The following PTPRT variants were observed in gnomAD, a reference collection of about 807,000 sequenced individuals.
PTPRT encodes the protein protein tyrosine phosphatase receptor type T.
PTPRT carries 56 observed loss-of-function variants against 176.8 expected under a neutral mutation model. That is an observed-to-expected ratio of 0.32 (90% CI 0.26 to 0.40). PTPRT has a LOEUF of 0.40. PTPRT is among the 10% of genes least tolerant of loss of function. The probability of loss-of-function intolerance (pLI) is 1.00; values close to 1 mark genes in which losing one functional copy is unlikely to be tolerated. For missense variants in PTPRT, 1,540 were observed against 1,908.2 expected (o/e 0.81, Z 3.60); for synonymous variants, 783 against 739.0 (o/e 1.06, Z -0.96).
At chr20:42,793,705 G>C (rs1175973843) in intron 2 of PTPRT, among the ~76,000 whole-genome samples, 1 of 152,128 alleles carries the variant, frequency 6.6e-6, no homozygotes. Flanking sequence ...AGCTAAAAAG[G>C]AGCAATTATA....
At chr20:43,159,289 G>A (rs535887521) in intron 1 of PTPRT, among the ~76,000 whole-genome samples, 1 of 152,324 alleles carries the variant, frequency 6.6e-6, no homozygotes, top group Non-Finnish European at 1.5e-5. Context: ...CTACTTTCTA[G>A]CTTTGGAGAA....
At chr20:42,737,328 G>C (rs551962426) in intron 6 of PTPRT, among the ~76,000 whole-genome samples, 3 of 152,274 alleles carry the variant, frequency 2.0e-5, no homozygotes, top group East Asian at 3.9e-4. Flanking sequence ...CTGGCAACCA[G>C]CAGAAGTTAG....
intron 11 of PTPRT, among the ~76,000 whole-genome samples, chr20:42,324,284 G>A (rs988379822): frequency 5.9e-5 from 9 of 152,156 alleles, no homozygotes; most frequent in South Asian, 2.1e-4. Context: ...CATATTGTAT[G>A]ATTCTATTCG....
chr20:42,318,702 C>A (rs2057755946), intron 11 of PTPRT, among the ~76,000 whole-genome samples: 3 of 152,152 alleles, frequency 2.0e-5, no homozygotes, highest in Admixed American at 2.0e-4. Flanking sequence ...CTTCTGAGGG[C>A]CAGCCTATCC....
At chr20:43,112,253 C>T (rs573351354) in intron 1 of PTPRT, among the ~76,000 whole-genome samples, 1 of 152,252 alleles carries the variant, frequency 6.6e-6, no homozygotes, top group Admixed American at 6.5e-5. Context: ...CAAAGTAGTT[C>T]AATAAACACA....
intron 1 of PTPRT, among the ~76,000 whole-genome samples, chr20:42,980,127 A>G (rs1468732637): frequency 6.6e-6 from 1 of 152,204 alleles, no homozygotes; most frequent in Non-Finnish European, 1.5e-5. Context: ...TCAAGCTTCT[A>G]TTTCCAAACG....
At chr20:42,860,795 A>C (rs1051111413) in intron 2 of PTPRT, among the ~76,000 whole-genome samples, 1 of 152,226 alleles carries the variant, frequency 6.6e-6, no homozygotes, top group African/African-American at 2.4e-5. Context: ...GGTAGATAAT[A>C]AAATCCTCTG....
chr20:43,110,556 A>C (rs1294234153), intron 1 of PTPRT, among the ~76,000 whole-genome samples: 7 of 152,230 alleles, frequency 4.6e-5, no homozygotes, highest in Non-Finnish European at 1.5e-5. Flanking sequence ...TAAAGACGCT[A>C]TCCTATTTCT....
chr20:42,151,451 T>C (rs1363541900), intron 17 of PTPRT, among the ~76,000 whole-genome samples: 2 of 152,234 alleles, frequency 1.3e-5, no homozygotes, highest in African/African-American at 4.8e-5. Flanking sequence ...TCCAGCTTCA[T>C]CCATGTCCCT....
At chr20:42,966,097 G>A (rs1473579339) in intron 1 of PTPRT, among the ~76,000 whole-genome samples, 1 of 152,188 alleles carries the variant, frequency 6.6e-6, no homozygotes, top group African/African-American at 2.4e-5. Flanking sequence ...AGGAGTTGGG[G>A]GAAATGAGAA....
chr20:42,107,686 G>T (rs1986591662), intron 23 of PTPRT, among the ~76,000 whole-genome samples: 1 of 152,228 alleles, frequency 6.6e-6, no homozygotes, highest in Non-Finnish European at 1.5e-5. Flanking sequence ...TGGATGGGAA[G>T]GCCGGGCAGC....
At chr20:42,777,410 C>T (rs777853389) in intron 4 of PTPRT, among the ~76,000 whole-genome samples, 2 of 152,162 alleles carry the variant, frequency 1.3e-5, no homozygotes, top group Admixed American at 6.5e-5. Context: ...TGTGAACTCC[C>T]TCCTGTGATT....
intron 7 of PTPRT, among the ~76,000 whole-genome samples, chr20:42,648,119 T>C (rs748799560): frequency 6.6e-6 from 1 of 152,072 alleles, no homozygotes. Context: ...TTTACAGAGC[T>C]CTTCTAAAGA....
rs199514226 is a variant in PTPRT at position 42,115,284 on chromosome 20, G to T, written c.3014C>A (p.Thr1005Lys). 8 of 1,614,080 alleles carry T rather than the reference G, an allele frequency of 5.0e-6. No homozygotes were observed. In the South Asian group the frequency reaches 8.8e-5, roughly 18 times the overall value. ...VKCVRYWPDD[T>K]EVYGDIKVTL... ...GACTTTAATGTCTCCGTAGACCTCCGTGTCATCTGGCCAGTATCGCACACA... is the reference window on the plus strand; with the variant it reads ...GACTTTAATGTCTCCGTAGACCTCCTTGTCATCTGGCCAGTATCGCACACA... The change falls in exon 22 of 31, where the codon ACG becomes AAG. Residue 1005 changes from threonine to lysine, a missense_variant. By Grantham distance (78) the Thr-to-Lys change is moderately conservative. Transcript: ENST00000373187.
chr20:43,026,141 G>A (rs763634334), intron 1 of PTPRT, among the ~76,000 whole-genome samples: 4 of 152,036 alleles, frequency 2.6e-5, no homozygotes, highest in African/African-American at 7.2e-5. Flanking sequence ...TCTCTGAGAC[G>A]GAGTCTTACT....
intron 1 of PTPRT, among the ~76,000 whole-genome samples, chr20:42,967,764 G>C (rs117158192): frequency 4.0e-4 from 56 of 138,758 alleles, no homozygotes; most frequent in Non-Finnish European, 8.0e-4. Flanking sequence ...TCAAACCATC[G>C]CAGCAGCCTC....
chr20:42,790,277 A>T (rs189144361), intron 3 of PTPRT, among the ~76,000 whole-genome samples: 16 of 152,098 alleles, frequency 1.1e-4, no homozygotes, highest in Non-Finnish European at 2.1e-4. Context: ...CAATGTGGAG[A>T]AATGTTCCTC....
At chr20:42,492,674 T>C (rs187636957) in intron 7 of PTPRT, among the ~76,000 whole-genome samples, 69 of 152,266 alleles carry the variant, frequency 4.5e-4, no homozygotes, top group African/African-American at 1.6e-3. Context: ...GTTATTTAGT[T>C]GTCAAATTCA....
intron 7 of PTPRT, among the ~76,000 whole-genome samples, chr20:42,494,952 C>T (rs970520608): frequency 3.5e-4 from 54 of 152,274 alleles, no homozygotes; most frequent in African/African-American, 1.2e-3. Flanking sequence ...CCTGTTTCCT[C>T]GGGCACAAGT....
Sources: gnomAD v4.1 joint callset for allele counts (sites outside exome capture counted in the v4.1 genomes callset) on GRCh38, gnomAD v4.1.1 for gene constraint, MANE v1.5 for transcripts, NCBI Gene and HGNC (gene_info 2026-07-23, HGNC 2026-07-21) for gene names.